Variants in SLC9D1 observed in about 807,000 individuals in gnomAD.
SLC9D1 encodes putative LAG1-interacting protein.
the SLC9D1 span, chr13:113,498,359 G>A: frequency 6.4e-7 from 1 of 1,554,156 alleles, no homozygotes; most frequent in Admixed American, 2.3e-5. Context: ...CAGAATATAT[G>A]GAACTTCTGG....
the SLC9D1 span, chr13:113,496,040 G>A: frequency 5.1e-6 from 8 of 1,566,136 alleles, no homozygotes; most frequent in East Asian, 4.6e-5. Flanking sequence ...GTCCTAGAGA[G>A]GGAGAGAGAG....
chr13:113,519,463 T>C, the SLC9D1 span, among the ~76,000 whole-genome samples: 6 of 151,830 alleles, frequency 4.0e-5, no homozygotes, highest in Non-Finnish European at 7.4e-5. Flanking sequence ...ACATTGAAAA[T>C]TGAGACCTTT....
the SLC9D1 span, among the ~76,000 whole-genome samples, chr13:113,533,848 T>C: frequency 6.6e-6 from 1 of 152,242 alleles, no homozygotes; most frequent in African/African-American, 2.4e-5. Flanking sequence ...CAATGCAGCT[T>C]CCACCTTTGG....
the SLC9D1 span, chr13:113,547,166 T>C: frequency 1.4e-6 from 1 of 716,234 alleles, no homozygotes; most frequent in Non-Finnish European, 2.4e-6. Context: ...GCTGTTGCTT[T>C]CACACGTGCA....
chr13:113,547,402 C>T, the SLC9D1 span: 2 of 1,588,596 alleles, frequency 1.3e-6, no homozygotes, highest in Admixed American at 3.3e-5. Flanking sequence ...AGGGTCCACG[C>T]CCCTCGCAGT....
At chr13:113,503,825 A>G in the SLC9D1 span, 1 of 506,278 alleles carries the variant, frequency 2.0e-6, no homozygotes, top group African/African-American at 1.9e-5. Flanking sequence ...AACTTCAGGA[A>G]GGGTCTGGAA....
At chr13:113,535,919 G>A in the SLC9D1 span, among the ~76,000 whole-genome samples, 1 of 152,092 alleles carries the variant, frequency 6.6e-6, no homozygotes, top group Non-Finnish European at 1.5e-5. The surrounding 1 kb of genome is among the most constrained non-coding windows in gnomAD (Gnocchi z 4.1). Flanking sequence ...GTCTGGGGAG[G>A]GACTGGGGAT....
At chr13:113,500,817 C>T in the SLC9D1 span, among the ~76,000 whole-genome samples, 4 of 152,184 alleles carry the variant, frequency 2.6e-5, no homozygotes, top group Non-Finnish European at 5.9e-5. Context: ...ACGGTGCTAT[C>T]TCAGGCGAGA....
chr13:113,539,563 C>T, the SLC9D1 span: 231,950 of 1,571,462 alleles, frequency 0.15, 22,319 homozygotes, highest in African/African-American at 0.49. The surrounding 1 kb of genome is among the most constrained non-coding windows in gnomAD (Gnocchi z 4.8). Context: ...CAGAGTGGTT[C>T]TGTAATATGT....
the SLC9D1 span, chr13:113,496,062 G>A: frequency 2.1e-6 from 3 of 1,429,230 alleles, no homozygotes; most frequent in Non-Finnish European, 2.9e-6. Flanking sequence ...GAGAGGGAGA[G>A]GGAGAGAGAG....
the SLC9D1 span, among the ~76,000 whole-genome samples, chr13:113,491,553 T>C: frequency 6.6e-6 from 1 of 152,026 alleles, no homozygotes; most frequent in East Asian, 1.9e-4. Flanking sequence ...ACCTCCCCTC[T>C]CTCTCTCCTC....
the SLC9D1 span, among the ~76,000 whole-genome samples, chr13:113,544,560 C>T: frequency 6.6e-6 from 1 of 152,222 alleles, no homozygotes; most frequent in African/African-American, 2.4e-5. Flanking sequence ...CGCTGTTGGG[C>T]TACTTATTAG....
the SLC9D1 span, among the ~76,000 whole-genome samples, chr13:113,542,900 C>T: frequency 6.6e-6 from 1 of 152,106 alleles, no homozygotes; most frequent in Non-Finnish European, 1.5e-5. Context: ...GCTTGGGCCC[C>T]TTGTCGCAGG....
At chr13:113,519,621 C>T in the SLC9D1 span, among the ~76,000 whole-genome samples, 1 of 152,136 alleles carries the variant, frequency 6.6e-6, no homozygotes, top group African/African-American at 2.4e-5. Context: ...CCGCCTTGGT[C>T]ACACAGTGAA....
At chr13:113,527,945 C>A in the SLC9D1 span, 1 of 152,228 alleles carries the variant, frequency 6.6e-6, no homozygotes, top group Non-Finnish European at 1.5e-5. Flanking sequence ...CTTAGCCCAT[C>A]CCCAGAGATT....
At chr13:113,522,778 T>G in the SLC9D1 span, among the ~76,000 whole-genome samples, 2 of 152,184 alleles carry the variant, frequency 1.3e-5, no homozygotes, top group African/African-American at 4.8e-5. Flanking sequence ...ACTACAGGCA[T>G]GCACCACCAC....
At chr13:113,538,543 C>T in the SLC9D1 span, among the ~76,000 whole-genome samples, 9 of 152,370 alleles carry the variant, frequency 5.9e-5, no homozygotes, top group Admixed American at 1.3e-4. Flanking sequence ...GCCGCTCCGC[C>T]GTGCTGAGCC....
At chr13:113,500,013 C>T in the SLC9D1 span, 15 of 1,585,504 alleles carry the variant, frequency 9.5e-6, no homozygotes. Context: ...GAGGCCAATT[C>T]TAAGCAAAAT....
the SLC9D1 span, among the ~76,000 whole-genome samples, chr13:113,521,806 G>A: frequency 1.1e-4 from 17 of 152,116 alleles, no homozygotes; most frequent in Admixed American, 6.5e-4. Flanking sequence ...CAAAGTCTAG[G>A]GTGCCCTATG....
Sources: gnomAD v4.1 joint callset for allele counts (sites outside exome capture counted in the v4.1 genomes callset) on GRCh38, gnomAD v4.1.1 for gene constraint, Gnocchi (gnomAD v3.1) non-coding constraint, MANE v1.5 for transcripts, NCBI Gene and HGNC (gene_info 2026-07-23, HGNC 2026-07-21) for gene names.